Variants in ANO1 observed in about 807,000 individuals in gnomAD.
The protein encoded by ANO1 is anoctamin-1.
In ANO1, 59 loss-of-function variants were observed where a neutral mutation model predicts 124.0. The observed-to-expected ratio is 0.48, with a 90% confidence interval of 0.39 to 0.59. The LOEUF (loss-of-function observed/expected upper bound fraction) is 0.59, where lower values mean the gene tolerates loss of function less well. ANO1 is among the 20% of genes least tolerant of loss of function. The pLI is 0.00. For synonymous variants in ANO1, 529 were observed against 532.0 expected (o/e 0.99, Z 0.08); for missense variants, 1,059 against 1,328.0 (o/e 0.80, Z 3.15).
At position 70,061,104 on chromosome 11, in the gene ANO1, G is replaced by T. The variant is rs151272801; in HGVS notation, c.59-17438G>T. Among the ~76,000 whole-genome samples the T allele has an allele frequency of 9.9e-5, 15 of 152,170 alleles. No homozygotes were observed. In the East Asian group the frequency reaches 2.9e-3, roughly 29 times the overall value. On this transcript the variant is annotated intron_variant, in intron 1 of 27. Coordinates refer to the ANO1 transcript ENST00000531349. ...TTGGGGTCTGGGACATTAACTGAAC[G>T]TGCAGGAAGGGTGCATGTATGCTGA...
intron 11 of ANO1, among the ~76,000 whole-genome samples, chr11:70,147,388 C>T (rs1223960177): frequency 6.6e-6 from 1 of 152,216 alleles, no homozygotes; most frequent in Non-Finnish European, 1.5e-5. Context: ...CACCGTCTGC[C>T]TCCTGAGGGT....
intron 22 of ANO1, among the ~76,000 whole-genome samples, chr11:70,176,699 C>CCAG (rs2048714705): frequency 6.6e-6 from 1 of 152,178 alleles, no homozygotes; most frequent in African/African-American, 2.4e-5. Context: ...TCCTCCCGCC[C>CCAG]CCTGCTTCCT....
intron 1 of ANO1, among the ~76,000 whole-genome samples, chr11:70,030,511 C>A (rs1270735760): frequency 2.6e-5 from 4 of 152,064 alleles, no homozygotes; most frequent in Non-Finnish European, 5.9e-5. Context: ...ACCAAGTCAT[C>A]CGCAGGACTG....
At chr11:70,002,495 C>G (rs922178182) in intron 1 of ANO1, among the ~76,000 whole-genome samples, 1 of 111,386 alleles carries the variant, frequency 9.0e-6, no homozygotes, top group African/African-American at 3.0e-5. Flanking sequence ...AAAACACTTA[C>G]GATTATGTTG....
rs1207779262 is a variant in ANO1 at position 70,050,347 on chromosome 11, G to A, written c.59-28195G>A. Among the ~76,000 whole-genome samples, 6 of 152,194 alleles carry A rather than the reference G, an allele frequency of 3.9e-5. No homozygotes were observed. The East Asian group carries it at 5.8e-4, about 15-fold the overall frequency. On this transcript the variant is annotated intron_variant, in intron 1 of 27. Transcript: ENST00000531349. ...GCAGGATTGGAGGGCCAGGTCCTCCGCCCCACAGTACAGGTGCAGGCCACG... is the reference window on the plus strand; with the variant it reads ...GCAGGATTGGAGGGCCAGGTCCTCCACCCCACAGTACAGGTGCAGGCCACG...
upstream of ANO1, among the ~76,000 whole-genome samples, chr11:69,985,173 A>C (rs1488834652): frequency 1.3e-5 from 2 of 152,208 alleles, no homozygotes; most frequent in African/African-American, 4.8e-5. Flanking sequence ...CAGGCTGTGC[A>C]TCAGAGTCCC....
chr11:70,167,293 T>C lies in ANO1; in HGVS notation c.2103T>C (p.Pro701=), dbSNP rs574949864. The C allele has an allele frequency of 2.4e-4, 380 of 1,613,952 alleles. 5 individuals carry two copies. The South Asian group carries it at 3.7e-3, about 16-fold the overall frequency. ...TGAAGCTGAAGCAGCAGAGCCCCCCTGACCACGAGGAGTGTGTGAAGAGGA... is the reference window on the plus strand; with the variant it reads ...TGAAGCTGAAGCAGCAGAGCCCCCCCGACCACGAGGAGTGTGTGAAGAGGA... The part of the protein sequence containing the change: ...RYLKLKQQSP[P]DHEECVKRKQ... The change falls in exon 21 of 26, where the codon CCT becomes CCC. Residue 701 remains proline, a synonymous_variant. Transcript: ENST00000355303.
the ANO1 span, among the ~76,000 whole-genome samples, chr11:69,972,102 G>A: frequency 2.0e-5 from 3 of 147,318 alleles, no homozygotes; most frequent in Admixed American, 7.0e-5. Context: ...GCCGGAAATC[G>A]CTTGAACCCA....
chr11:70,166,273 G>A lies in ANO1; in HGVS notation c.2051+703G>A, dbSNP rs930498546. Reference sequence around the variant, plus strand: ...GTGGAGGTTGCAGTGAGCCGAGATCGCACCACTGCACTCCAGCCTGGGCGA... The same window carrying A: ...GTGGAGGTTGCAGTGAGCCGAGATCACACCACTGCACTCCAGCCTGGGCGA... On this transcript the variant is annotated intron_variant, in intron 20 of 25. Coordinates refer to ENST00000355303, the MANE Select transcript of ANO1 (RefSeq NM_018043.7). Among the ~76,000 whole-genome samples, 11 of 152,246 alleles carry A rather than the reference G, an allele frequency of 7.2e-5. No individual in the cohort carries two copies. In the Middle Eastern group the frequency reaches 0.01, roughly 141 times the overall value.
chr11:70,116,451 T>G lies in ANO1; in HGVS notation c.856-7T>G. ...ATAAGAACGTCCCTTTCCTCTTTTTTTAACAGGGAGACTACAACGGTGAAA... is the reference window on the plus strand; with the variant it reads ...ATAAGAACGTCCCTTTCCTCTTTTTGTAACAGGGAGACTACAACGGTGAAA... On this transcript the variant is annotated splice_polypyrimidine_tract_variant and splice_region_variant and intron_variant, in intron 7 of 25. Coordinates refer to ENST00000355303, the MANE Select transcript of ANO1 (RefSeq NM_018043.7). 1.3e-6 allele frequency: 2 copies of G among 1,595,956 alleles called. No individual in the cohort carries two copies. Among genetic ancestry groups the G allele is most frequent in the Non-Finnish European group, 1.7e-6 (2 of 1,170,996 alleles).
chr11:69,983,537 G>A (rs1204859258), upstream of ANO1, among the ~76,000 whole-genome samples: 2 of 152,212 alleles, frequency 1.3e-5, no homozygotes, highest in Non-Finnish European at 1.5e-5. Flanking sequence ...GCTTCAGAGG[G>A]TCTGCAGCGT....
chr11:70,065,618 G>A (rs1189270485), intron 1 of ANO1, among the ~76,000 whole-genome samples: 3 of 150,710 alleles, frequency 2.0e-5, no homozygotes, highest in Non-Finnish European at 4.4e-5. Flanking sequence ...CTTCCTCTCT[G>A]CCCTTGTCCC....
chr11:70,127,314 C>G (rs1300501232), intron 10 of ANO1, among the ~76,000 whole-genome samples: 1 of 152,166 alleles, frequency 6.6e-6, no homozygotes, highest in African/African-American at 2.4e-5. Context: ...CCTAAGGCTG[C>G]CTGCTTCCCT....
At chr11:70,115,737 T>A (rs897172969) in intron 7 of ANO1, among the ~76,000 whole-genome samples, 1 of 152,160 alleles carries the variant, frequency 6.6e-6, no homozygotes, top group African/African-American at 2.4e-5. Context: ...TTGTCAACTG[T>A]AGTTATTTGG....
intron 1 of ANO1, among the ~76,000 whole-genome samples, chr11:70,009,097 A>T (rs1384692455): frequency 6.6e-6 from 1 of 152,186 alleles, no homozygotes; most frequent in Non-Finnish European, 1.5e-5. Context: ...GGTCATCTGG[A>T]GACAATGGAG....
chr11:70,133,797 G>A (rs954246380), intron 11 of ANO1, among the ~76,000 whole-genome samples: 5 of 152,230 alleles, frequency 3.3e-5, no homozygotes, highest in Non-Finnish European at 5.9e-5. Context: ...TGTGGTTTGC[G>A]GGTGGGTGTG....
intron 1 of ANO1, among the ~76,000 whole-genome samples, chr11:70,059,416 G>A (rs549615045): frequency 6.6e-6 from 1 of 152,120 alleles, no homozygotes; most frequent in South Asian, 2.1e-4. Context: ...CCAAGTCGGG[G>A]AATTATATCT....
intron 16 of ANO1, among the ~76,000 whole-genome samples, chr11:70,157,714 G>A (rs1005629779): frequency 2.6e-5 from 4 of 152,040 alleles, no homozygotes; most frequent in Admixed American, 6.5e-5. Flanking sequence ...TAAATGGGCC[G>A]GGTGCAGTGG....
intron 1 of ANO1, among the ~76,000 whole-genome samples, chr11:70,012,627 T>C (rs996789409): frequency 6.8e-6 from 1 of 147,252 alleles, no homozygotes; most frequent in Non-Finnish European, 1.5e-5. Flanking sequence ...CTTTGTCTAG[T>C]CATCCATCCA....
Sources: allele counts gnomAD v4.1 joint callset (sites outside exome capture counted in the v4.1 genomes callset), GRCh38; gene constraint gnomAD v4.1.1; transcripts MANE v1.5; gene names NCBI Gene and HGNC (gene_info 2026-07-23, HGNC 2026-07-21).